The following RGS6 variants were observed in gnomAD, a reference collection of about 807,000 sequenced individuals.
RGS6 encodes regulator of G-protein signaling 6.
Under a neutral mutation model 78.5 loss-of-function variants are expected in RGS6, and 30 were observed. That is an observed-to-expected ratio of 0.38 (90% confidence interval 0.29 to 0.52). The LOEUF is 0.52. RGS6 is among the 20% of genes least tolerant of loss of function. The pLI is 0.85. For synonymous variants in RGS6, 206 were observed against 206.0 expected, an observed-to-expected ratio of 1.00 and a Z score of 0.00; for missense variants, 495 against 609.7, an observed-to-expected ratio of 0.81 and a Z score of 1.98.
chr14:71,938,301 A>G (rs906526250), intron 1 of RGS6, among the ~76,000 whole-genome samples: 2 of 152,252 alleles, frequency 1.3e-5, no homozygotes, highest in East Asian at 3.8e-4. Context: ...GCCATTGGCT[A>G]CAGCCCATGA....
At chr14:72,614,777 G>GAAAAAAA in the RGS6 span, among the ~76,000 whole-genome samples, 9 of 96,056 alleles carry the variant, frequency 9.4e-5, no homozygotes, top group East Asian at 1.2e-3. Context: ...ACAAGCCTCA[G>GAAAAAAA]AAAAAAAAAA....
intron 2 of RGS6, among the ~76,000 whole-genome samples, chr14:71,981,487 C>CCT (rs1031120857): frequency 7.1e-4 from 108 of 151,746 alleles, no homozygotes; most frequent in African/African-American, 2.5e-3. Flanking sequence ...CAGACAGGAC[C>CCT]CTCAGCTGCA....
the RGS6 span, among the ~76,000 whole-genome samples, chr14:72,621,902 T>C: frequency 2.0e-4 from 31 of 152,174 alleles, no homozygotes; most frequent in Non-Finnish European, 4.1e-4. Context: ...AGCAGACTCA[T>C]GGGAGGGAGA....
At chr14:72,381,554 C>G (rs1220332135) in intron 3 of RGS6, among the ~76,000 whole-genome samples, 1 of 152,048 alleles carries the variant, frequency 6.6e-6, no homozygotes, top group Admixed American at 6.6e-5. Context: ...CTTTCATGTG[C>G]TCTGATAAAA....
At chr14:71,977,444 G>A (rs925568857) in intron 2 of RGS6, among the ~76,000 whole-genome samples, 1 of 127,700 alleles carries the variant, frequency 7.8e-6, no homozygotes, top group African/African-American at 3.0e-5. Context: ...TTTGTATAAG[G>A]TGTAAGGAAG....
At chr14:72,038,882 C>T (rs1026593643) in intron 2 of RGS6, among the ~76,000 whole-genome samples, 1 of 152,078 alleles carries the variant, frequency 6.6e-6, no homozygotes, top group Admixed American at 6.6e-5. Context: ...TTCTTCTTTT[C>T]CAGTCAGGAT....
intron 2 of RGS6, among the ~76,000 whole-genome samples, chr14:72,051,973 T>G (rs1391313364): frequency 6.6e-6 from 1 of 152,194 alleles, no homozygotes; most frequent in Non-Finnish European, 1.5e-5. Context: ...ATGGTTTGCT[T>G]TCTCTGAGGG....
intron 2 of RGS6, among the ~76,000 whole-genome samples, chr14:72,338,135 A>G (rs376167458): frequency 2.0e-5 from 3 of 152,350 alleles, no homozygotes; most frequent in East Asian, 3.9e-4. Flanking sequence ...TTGTCCTGCC[A>G]TGTAATGGAA....
intron 3 of RGS6, among the ~76,000 whole-genome samples, chr14:72,432,495 G>A (rs1193596152): frequency 6.6e-6 from 1 of 152,188 alleles, no homozygotes; most frequent in Non-Finnish European, 1.5e-5. Flanking sequence ...ACATGCAAGA[G>A]GAAGGATCAT....
At chr14:72,616,570 G>C in the RGS6 span, among the ~76,000 whole-genome samples, 1 of 152,154 alleles carries the variant, frequency 6.6e-6, no homozygotes, top group Non-Finnish European at 1.5e-5. Flanking sequence ...TGCAGTGCTT[G>C]TTTATGTAAC....
At chr14:72,003,496 C>T (rs190792563) in intron 2 of RGS6, among the ~76,000 whole-genome samples, 21 of 152,232 alleles carry the variant, frequency 1.4e-4, no homozygotes, top group East Asian at 9.7e-4. Context: ...AACACCTCCC[C>T]GTGAAAGAAT....
At chr14:71,990,363 A>G (rs1256081074) in intron 2 of RGS6, among the ~76,000 whole-genome samples, 2 of 152,200 alleles carry the variant, frequency 1.3e-5, no homozygotes, top group African/African-American at 4.8e-5. Flanking sequence ...CCCTTTCCAC[A>G]TGGTTCCAAA....
the RGS6 span, chr14:71,908,536 C>CT: frequency 1.3e-5 from 2 of 152,050 alleles, no homozygotes; most frequent in African/African-American, 4.8e-5. Context: ...AACAACAAAA[C>CT]TTTTTTATAT....
chr14:71,874,854 G>A, the RGS6 span, among the ~76,000 whole-genome samples: 1 of 152,130 alleles, frequency 6.6e-6, no homozygotes, highest in Non-Finnish European at 1.5e-5. Flanking sequence ...TAGCATGAAG[G>A]GCTGTTGAAT....
intron 2 of RGS6, among the ~76,000 whole-genome samples, chr14:72,335,765 C>T (rs1165632524): frequency 6.6e-6 from 1 of 152,154 alleles, no homozygotes; most frequent in South Asian, 2.1e-4. Context: ...TGTTTACAAA[C>T]TTGTATTGGG....
At chr14:72,005,842 C>A (rs1253293835) in intron 2 of RGS6, among the ~76,000 whole-genome samples, 12 of 151,912 alleles carry the variant, frequency 7.9e-5, no homozygotes, top group African/African-American at 2.4e-4. Context: ...CATTTGTTAT[C>A]AAGATGTACA....
At position 71,977,089 on chromosome 14, in the gene RGS6, G is replaced by A. The variant is rs1298675175; in HGVS notation, c.84+12214G>A. 6.7e-5 allele frequency among the ~76,000 whole-genome samples: 8 copies of A among 119,842 alleles called. 1 individual carries two copies. In the South Asian group the frequency reaches 8.6e-4, roughly 13 times the overall value. The allele number at this position is 119,842 out of a possible 152,430, so 78.6% of individuals were successfully genotyped here. A position where few individuals can be genotyped will look rare whatever the true frequency, so the allele number is the denominator to read the frequency against. On this transcript the variant is annotated intron_variant, in intron 2 of 17. Transcript: ENST00000553525. The stretch of plus-strand genomic sequence containing the variant: ...TGAGAAGTGTCTGTTCATGTCCTTC[G>A]TCCACTTTTTGATGGGGTGGTTTGT...
intron 2 of RGS6, among the ~76,000 whole-genome samples, chr14:72,035,735 C>T (rs1355756283): frequency 6.6e-6 from 1 of 152,088 alleles, no homozygotes; most frequent in Non-Finnish European, 1.5e-5. Flanking sequence ...AGCATTTGTG[C>T]CCTGTGCTTT....
At chr14:72,595,283 C>A in the RGS6 span, among the ~76,000 whole-genome samples, 1 of 151,972 alleles carries the variant, frequency 6.6e-6, no homozygotes, top group African/African-American at 2.4e-5. Flanking sequence ...CTAAATACAC[C>A]GGTTCAGTGT....
Sources: allele counts gnomAD v4.1 joint callset (sites outside exome capture counted in the v4.1 genomes callset), GRCh38; gene constraint gnomAD v4.1.1; transcripts MANE v1.5; gene names NCBI Gene and HGNC (gene_info 2026-07-23, HGNC 2026-07-21).